VSTM2A: variants seen among roughly 807,000 people sequenced by gnomAD.
VSTM2A encodes V-set and transmembrane domain containing 2A.
Under a neutral mutation model 27.3 loss-of-function variants are expected in VSTM2A, and 13 were observed. That is an observed-to-expected ratio of 0.48 (90% CI 0.31 to 0.76). The LOEUF (loss-of-function observed/expected upper bound fraction) is 0.76, where lower values mean the gene tolerates loss of function less well. VSTM2A is among the 30% of genes least tolerant of loss of function. VSTM2A has a pLI of 0.05. For missense variants in VSTM2A, 280 were observed against 310.0 expected (o/e 0.90, Z 0.73); for synonymous variants, 142 against 125.7 (o/e 1.13, Z -0.87).
chr7:54,557,949 C>A (rs1562711919), intron 4 of VSTM2A: 2 of 152,080 alleles, frequency 1.3e-5, no homozygotes, highest in South Asian at 4.1e-4. Flanking sequence ...AATTTCAGAG[C>A]TTGCTTTTTT....
intron 3 of VSTM2A, 58 bp from the exon 4 acceptor site, chr7:54,549,776 A>C (rs767019644): frequency 1.0e-5 from 15 of 1,463,614 alleles, no homozygotes; most frequent in Non-Finnish European, 1.4e-5. Context: ...AGGGTAAAAA[A>C]TGGAACAAAA....
intron 4 of VSTM2A, among the ~76,000 whole-genome samples, chr7:54,567,385 T>C (rs1043001322): frequency 6.6e-6 from 1 of 152,218 alleles, no homozygotes; most frequent in Non-Finnish European, 1.5e-5. Context: ...TTCTTTTTAG[T>C]TATAATACTC....
At chr7:54,558,980 A>G (rs1187261627) in intron 4 of VSTM2A, 2 of 152,110 alleles carry the variant, frequency 1.3e-5, no homozygotes, top group Non-Finnish European at 2.9e-5. Context: ...GCATCAAACA[A>G]GGAAATATTT....
chr7:54,547,636 AC>A (rs1174213918), intron 3 of VSTM2A, among the ~76,000 whole-genome samples: 1 of 152,154 alleles, frequency 6.6e-6, no homozygotes, highest in Non-Finnish European at 1.5e-5. Context: ...TTATTTTTTT[AC>A]TATACCTCAA....
intron 2 of VSTM2A, 95 bp from the exon 3 acceptor site, chr7:54,546,852 A>C: frequency 1.3e-6 from 2 of 1,495,296 alleles, no homozygotes; most frequent in Non-Finnish European, 9.0e-7. Context: ...GGTCACCCTG[A>C]CGGCCCTGCC....
intron 4 of VSTM2A, among the ~76,000 whole-genome samples, chr7:54,560,721 T>C (rs1788533094): frequency 6.6e-6 from 1 of 152,282 alleles, no homozygotes; most frequent in Middle Eastern, 3.4e-3. Context: ...ATCCAGGAGT[T>C]GTGATTTCTT....
intron 4 of VSTM2A, among the ~76,000 whole-genome samples, chr7:54,565,112 G>A (rs1201609340): frequency 7.9e-6 from 1 of 126,522 alleles, no homozygotes; most frequent in African/African-American, 2.7e-5. Flanking sequence ...TAACAAATGT[G>A]GGGTATTGCA....
rs11982485 is a variant in VSTM2A at position 54,565,477 on chromosome 7, G to T, written c.635-3654G>T. ...TGACTGCAGATGCAGGGAAAAAATGGTAGCACAGACGGAGGTCTAAACTAA... is the reference window on the plus strand; with the variant it reads ...TGACTGCAGATGCAGGGAAAAAATGTTAGCACAGACGGAGGTCTAAACTAA... On this transcript the variant is annotated intron_variant, in intron 4 of 4. Coordinates refer to ENST00000402613, the MANE Select transcript of VSTM2A (RefSeq NM_001301009.2). Among the ~76,000 whole-genome samples the T allele has an allele frequency of 8.6e-3, 1,310 of 152,350 alleles. 23 individuals carry two copies. Among genetic ancestry groups the T allele is most frequent in the African/African-American group, 0.03 (1,242 of 41,572 alleles).
rs148373742 is a variant in VSTM2A at position 54,550,188 on chromosome 7, G to A, written c.634+18G>A. On this transcript the variant is annotated intron_variant, in intron 4 of 4. Transcript: ENST00000402613. ...ACAATCAGGTATGGAAACCCATTTC[G>A]AGCCTTTTATTTTACCACTCACAAA... 5.8e-4 allele frequency: 916 copies of A among 1,575,334 alleles called. 2 individuals carry two copies. In the African/African-American group the frequency reaches 0.011, roughly 19 times the overall value.
At chr7:54,547,256 T>C (rs1788030500) in intron 3 of VSTM2A, 2 of 417,020 alleles carry the variant, frequency 4.8e-6, no homozygotes, top group African/African-American at 4.1e-5. Flanking sequence ...CTTTCCTTGC[T>C]TTTTGTAACT....
chr7:54,553,151 T>C (rs961224991), intron 4 of VSTM2A, among the ~76,000 whole-genome samples: 2 of 152,228 alleles, frequency 1.3e-5, no homozygotes, highest in Non-Finnish European at 2.9e-5. Flanking sequence ...CTAACTGTTA[T>C]TTAATACGGC....
At chr7:54,546,463 G>T (rs986314832) in intron 2 of VSTM2A, among the ~76,000 whole-genome samples, 1 of 151,698 alleles carries the variant, frequency 6.6e-6, no homozygotes, top group East Asian at 2.0e-4. Context: ...GATGGTGGCC[G>T]GAACAAAGGC....
At chr7:54,553,925 T>A (rs1187109090) in intron 4 of VSTM2A, 1 of 1,551,438 alleles carries the variant, frequency 6.4e-7, no homozygotes, top group Non-Finnish European at 8.7e-7. Context: ...TAGTCCTTCC[T>A]TTCTTCTCTC....
intron 4 of VSTM2A, among the ~76,000 whole-genome samples, chr7:54,564,539 G>T (rs1305713377): frequency 6.6e-6 from 1 of 152,148 alleles, no homozygotes; most frequent in African/African-American, 2.4e-5. Context: ...CTTATCAAAT[G>T]TACATGGAAT....
intron 2 of VSTM2A, among the ~76,000 whole-genome samples, 177 bp downstream of exon 2, chr7:54,544,965 G>A (rs1264683158): frequency 6.6e-6 from 1 of 152,204 alleles, no homozygotes; most frequent in African/African-American, 2.4e-5. Flanking sequence ...CTGGGGACGC[G>A]AAGTTAAAAC....
chr7:54,551,241 A>T (rs1788183738), intron 4 of VSTM2A: 1 of 152,104 alleles, frequency 6.6e-6, no homozygotes, highest in Admixed American at 6.6e-5. Flanking sequence ...TACATGTAGA[A>T]ATACATATAG....
At chr7:54,550,579 TATC>T (rs1338327380) in intron 4 of VSTM2A, 1 of 239,420 alleles carries the variant, frequency 4.2e-6, no homozygotes, top group Non-Finnish European at 8.0e-6. Flanking sequence ...AGACATGCCA[TATC>T]ATGCATTTTC....
At chr7:54,553,785 G>A in intron 4 of VSTM2A, 4 of 1,527,002 alleles carry the variant, frequency 2.6e-6, no homozygotes, top group Non-Finnish European at 1.8e-6. Context: ...AGAGAACACA[G>A]GACTCAACGC....
intron 4 of VSTM2A, among the ~76,000 whole-genome samples, chr7:54,557,516 T>C (rs1486441199): frequency 6.6e-6 from 1 of 151,872 alleles, no homozygotes; most frequent in African/African-American, 2.4e-5. Context: ...GTATTTCCAG[T>C]AGAGACAGGG....
Sources: gnomAD v4.1 joint callset for allele counts (sites outside exome capture counted in the v4.1 genomes callset) on GRCh38, gnomAD v4.1.1 for gene constraint, MANE v1.5 for transcripts, NCBI Gene and HGNC (gene_info 2026-07-23, HGNC 2026-07-21) for gene names.